C10orf90: variants seen among roughly 807,000 people sequenced by gnomAD.
C10orf90 encodes the protein (E2-independent) E3 ubiquitin-conjugating enzyme FATS.
In C10orf90, 56 loss-of-function variants were observed where a neutral mutation model predicts 62.5. That is an observed-to-expected ratio of 0.90 (90% CI 0.72 to 1.12). C10orf90 has a LOEUF of 1.12. Among genes scored for constraint, C10orf90 ranks in the 50% most tolerant of loss-of-function variants. C10orf90 has a pLI of 0.00. For missense variants in C10orf90, 970 were observed against 880.4 expected, an observed-to-expected ratio of 1.10 and a Z score of -1.29; for synonymous variants, 386 against 340.4, an observed-to-expected ratio of 1.13 and a Z score of -1.47.
chr10:126,575,061 A>G (rs1459220348), intron 2 of C10orf90, among the ~76,000 whole-genome samples: 1 of 152,174 alleles, frequency 6.6e-6, no homozygotes, highest in East Asian at 1.9e-4. Flanking sequence ...GGAAAAAATG[A>G]AATTTTTGTT....
intron 2 of C10orf90, among the ~76,000 whole-genome samples, chr10:126,529,759 C>G (rs1215717325): frequency 1.3e-5 from 2 of 152,144 alleles, no homozygotes; most frequent in Non-Finnish European, 2.9e-5. Flanking sequence ...CATGTGTGAT[C>G]AGCAAGCAGC....
intron 1 of C10orf90, among the ~76,000 whole-genome samples, chr10:126,648,844 T>C (rs769510592): frequency 4.6e-5 from 7 of 152,112 alleles, no homozygotes; most frequent in Admixed American, 1.3e-4. Context: ...TGCATATTTT[T>C]AATGTAACTC....
At chr10:126,507,391 G>C (rs1023546798) in intron 3 of C10orf90, among the ~76,000 whole-genome samples, 2 of 147,092 alleles carry the variant, frequency 1.4e-5, no homozygotes, top group Admixed American at 6.8e-5. Context: ...ATGGGGAATT[G>C]TACATTCAAA....
intron 2 of C10orf90, among the ~76,000 whole-genome samples, chr10:126,578,265 A>T (rs560839141): frequency 6.6e-6 from 1 of 152,208 alleles, no homozygotes; most frequent in Non-Finnish European, 1.5e-5. Context: ...TCCAGAGTAC[A>T]TAAAGAACTC....
At chr10:126,669,687 T>A (rs1275799025) in intron 1 of C10orf90, among the ~76,000 whole-genome samples, 1 of 139,594 alleles carries the variant, frequency 7.2e-6, no homozygotes, top group Non-Finnish European at 1.5e-5. Context: ...ATCTCCAAAG[T>A]TCTCTCACTC....
intron 2 of C10orf90, among the ~76,000 whole-genome samples, chr10:126,617,222 A>G (rs1845558483): frequency 6.6e-6 from 1 of 152,194 alleles, no homozygotes; most frequent in Non-Finnish European, 1.5e-5. Context: ...TCCCACCCCA[A>G]CAGAGAAAAC....
At chr10:126,458,371 T>A (rs1859720774) in intron 7 of C10orf90, among the ~76,000 whole-genome samples, 1 of 152,234 alleles carries the variant, frequency 6.6e-6, no homozygotes, top group Admixed American at 6.5e-5. Context: ...TGGCAGGCAC[T>A]AAGTATGTGC....
At position 126,577,582 on chromosome 10, in the gene C10orf90, A is replaced by T. The variant is rs115835433; in HGVS notation, c.314-63643T>A. Among the ~76,000 whole-genome samples the T allele has an allele frequency of 5.4e-3, 828 of 152,182 alleles. 8 individuals carry two copies. Among genetic ancestry groups the T allele is most frequent in the African/African-American group, 0.019 (802 of 41,556 alleles). On this transcript the variant is annotated intron_variant, in intron 2 of 9. Transcript: ENST00000488181. ...TGGATTAGAAGACCTGACTTTGTAAAGATGTTCCTTCTTTCCCAAGTTGAT... is the reference window on the plus strand; with the variant it reads ...TGGATTAGAAGACCTGACTTTGTAATGATGTTCCTTCTTTCCCAAGTTGAT...
rs1864524054 is a variant in C10orf90 at position 126,547,398 on chromosome 10, G to C, written c.314-33459C>G. 2.7e-5 allele frequency among the ~76,000 whole-genome samples: 4 copies of C among 148,418 alleles called. No individual in the cohort carries two copies. The South Asian group carries it at 8.7e-4, about 32-fold the overall frequency. ...CGTGCCACTGCACTCCAGCCTGGGC[G>C]ACAGAGCAAGACTGTCAAAAAAAAA... On this transcript the variant is annotated intron_variant, in intron 2 of 9. Coordinates refer to ENST00000488181, the MANE Select transcript of C10orf90 (RefSeq NM_001350921.2).
At chr10:126,522,732 C>T (rs1317996978) in intron 2 of C10orf90, 1 of 152,220 alleles carries the variant, frequency 6.6e-6, no homozygotes, top group Non-Finnish European at 1.5e-5. Context: ...CCAGGTGTCA[C>T]CCCTCCAGTA....
intron 2 of C10orf90, among the ~76,000 whole-genome samples, chr10:126,566,093 G>A (rs1564874884): frequency 6.6e-6 from 1 of 152,160 alleles, no homozygotes; most frequent in African/African-American, 2.4e-5. Flanking sequence ...AGGACTGACA[G>A]GCAGGCTCTG....
intron 3 of C10orf90, among the ~76,000 whole-genome samples, chr10:126,512,685 A>T (rs563769684): frequency 1.3e-5 from 2 of 152,216 alleles, no homozygotes; most frequent in East Asian, 3.9e-4. Flanking sequence ...GCTCTCAGTG[A>T]TCCACTGCTC....
intron 2 of C10orf90, among the ~76,000 whole-genome samples, chr10:126,522,400 A>G (rs1179494757): frequency 6.6e-6 from 1 of 152,236 alleles, no homozygotes; most frequent in Admixed American, 6.5e-5. Flanking sequence ...TTCCAATGAA[A>G]TACACAATTT....
chr10:126,519,961 A>G (rs1863648540), intron 2 of C10orf90, among the ~76,000 whole-genome samples: 1 of 152,092 alleles, frequency 6.6e-6, no homozygotes, highest in African/African-American at 2.4e-5. Flanking sequence ...GCAAAAGGAA[A>G]CCAAGCCCCC....
intron 2 of C10orf90, among the ~76,000 whole-genome samples, chr10:126,625,027 A>G (rs1845714975): frequency 6.6e-6 from 1 of 152,230 alleles, no homozygotes; most frequent in Non-Finnish European, 1.5e-5. Context: ...TGTAAGAGGC[A>G]TCAGGTCTGG....
intron 7 of C10orf90, among the ~76,000 whole-genome samples, chr10:126,440,019 C>A (rs1858202456): frequency 6.6e-6 from 1 of 152,168 alleles, no homozygotes; most frequent in Non-Finnish European, 1.5e-5. Flanking sequence ...TCCAGCTGAA[C>A]TTTGTAACAA....
In C10orf90 at chr10:126,453,404, CAA is replaced by C. The variant is rs905531832; in HGVS notation, c.2188+5634_2188+5635del. 6.6e-6 allele frequency among the ~76,000 whole-genome samples: 1 copy of C among 152,000 alleles called. No individual in the cohort carries two copies. Among genetic ancestry groups the C allele is most frequent in the African/African-American group, 2.4e-5 (1 of 41,364 alleles). ...GGAGGGATGCAAGAATACCAAGATG[CAA>C]AGAGTGTTCAAATGGGAGTGAGAGG... On this transcript the variant is annotated intron_variant, in intron 7 of 9. Transcript: ENST00000488181. The surrounding 1 kb of genome is among the most constrained non-coding windows in gnomAD (Gnocchi z 4.9).
At chr10:126,670,196 C>A in intron 1 of C10orf90, 45 bp downstream of exon 1, 1 of 449,684 alleles carries the variant, frequency 2.2e-6, no homozygotes. Context: ...CCATCTCTCT[C>A]TGAGTCAAGC....
intron 2 of C10orf90, among the ~76,000 whole-genome samples, chr10:126,597,503 A>G (rs926278740): frequency 2.0e-5 from 3 of 152,246 alleles, no homozygotes; most frequent in Non-Finnish European, 4.4e-5. Flanking sequence ...TCCAAGGGCA[A>G]GAAAAACTGA....
Sources: gnomAD v4.1 joint callset for allele counts (sites outside exome capture counted in the v4.1 genomes callset) on GRCh38, gnomAD v4.1.1 for gene constraint, Gnocchi (gnomAD v3.1) non-coding constraint, MANE v1.5 for transcripts, NCBI Gene and HGNC (gene_info 2026-07-23, HGNC 2026-07-21) for gene names.